CCDC178: variants seen among roughly 807,000 people sequenced by gnomAD.
CCDC178 encodes the protein coiled-coil domain-containing protein 178.
A neutral mutation model predicts 117.4 loss-of-function variants in CCDC178; 126 were observed. The ratio of observed to expected loss-of-function variants is 1.07; its 90% confidence interval spans 0.93 to 1.24. The LOEUF (loss-of-function observed/expected upper bound fraction) is 1.24. CCDC178 is among the 50% of genes most tolerant of loss of function. The pLI, the probability that CCDC178 is intolerant of heterozygous loss-of-function variation, is 0.00. For synonymous variants in CCDC178, 283 were observed against 313.4 expected, an observed-to-expected ratio of 0.90 and a Z score of 1.02; for missense variants, 1,030 against 986.9, an observed-to-expected ratio of 1.04 and a Z score of -0.59.
rs549237925 is a variant in CCDC178, at chr18:33,379,475, T to A, written c.209-9286A>T. 1.7e-4 allele frequency among the ~76,000 whole-genome samples: 26 copies of A among 152,166 alleles called. No individual in the cohort carries two copies. In the South Asian group the frequency reaches 5.4e-3, roughly 32 times the overall value. On this transcript the variant is annotated intron_variant, in intron 5 of 22. Transcript: ENST00000383096. The stretch of plus-strand genomic sequence containing the variant: ...TTTTTGCTTTATGCAATAGGATGAT[T>A]CCTGGAGTATACAGTCTGAGTTCCC...
At chr18:33,158,510 A>C (rs1248316558) in intron 20 of CCDC178, among the ~76,000 whole-genome samples, 1 of 152,112 alleles carries the variant, frequency 6.6e-6, no homozygotes, top group African/African-American at 2.4e-5. Context: ...TTTTATAAAC[A>C]ATATGCATTA....
intron 20 of CCDC178, among the ~76,000 whole-genome samples, chr18:33,190,857 C>T (rs2058849465): frequency 6.6e-6 from 1 of 152,000 alleles, no homozygotes; most frequent in Non-Finnish European, 1.5e-5. Context: ...TTAACTTATT[C>T]TTCGTTATTT....
At chr18:33,431,716 T>C (rs1000537746) in intron 2 of CCDC178, among the ~76,000 whole-genome samples, 3 of 152,222 alleles carry the variant, frequency 2.0e-5, no homozygotes, top group Non-Finnish European at 2.9e-5. Flanking sequence ...AATAGCACCA[T>C]GTTTGTTAAA....
At chr18:33,227,227 G>A (rs2059313343) in intron 15 of CCDC178, among the ~76,000 whole-genome samples, 1 of 150,556 alleles carries the variant, frequency 6.6e-6, no homozygotes, top group African/African-American at 2.4e-5. Context: ...CAAGATAGAT[G>A]CAAGTCAAGT....
At chr18:32,986,825 T>C (rs2055273687) in intron 21 of CCDC178, among the ~76,000 whole-genome samples, 1 of 152,072 alleles carries the variant, frequency 6.6e-6, no homozygotes, top group Non-Finnish European at 1.5e-5. Flanking sequence ...AACAATATTA[T>C]GTATGTCTGA....
chr18:33,253,215 T>C (rs1257485115), intron 14 of CCDC178, among the ~76,000 whole-genome samples: 1 of 151,896 alleles, frequency 6.6e-6, no homozygotes, highest in Non-Finnish European at 1.5e-5. Context: ...TTTGTATGTA[T>C]AGGATAACTG....
chr18:32,995,651 C>T (rs2055487460), intron 21 of CCDC178, among the ~76,000 whole-genome samples: 2 of 151,994 alleles, frequency 1.3e-5, no homozygotes, highest in Admixed American at 1.3e-4. Context: ...ATATAAACTG[C>T]TATTTCACTT....
chr18:32,953,227 C>T (rs1453542003), intron 22 of CCDC178, among the ~76,000 whole-genome samples: 3 of 152,218 alleles, frequency 2.0e-5, no homozygotes, highest in African/African-American at 7.2e-5. Context: ...TAACGCATAA[C>T]AAGAGCGACC....
At chr18:33,065,823 T>C (rs1347802610) in intron 21 of CCDC178, among the ~76,000 whole-genome samples, 1 of 151,388 alleles carries the variant, frequency 6.6e-6, no homozygotes, top group Non-Finnish European at 1.5e-5. Context: ...AGCAACAATC[T>C]GGCAGCCAAG....
chr18:33,130,882 A>G (rs1434504038), intron 20 of CCDC178, among the ~76,000 whole-genome samples: 1 of 151,972 alleles, frequency 6.6e-6, no homozygotes, highest in Admixed American at 6.6e-5. Context: ...GAATTACACA[A>G]TTTATTACAA....
intron 2 of CCDC178, among the ~76,000 whole-genome samples, chr18:33,418,590 A>C (rs576110482): frequency 1.3e-5 from 2 of 150,774 alleles, no homozygotes; most frequent in South Asian, 4.2e-4. Context: ...AAAAAAAAAA[A>C]CCGATAGTCT....
chr18:33,110,939 A>G (rs2057772253), intron 20 of CCDC178, among the ~76,000 whole-genome samples: 1 of 151,590 alleles, frequency 6.6e-6, no homozygotes, highest in South Asian at 2.1e-4. Flanking sequence ...TTCTGCTTGA[A>G]TTTTAAGTAG....
At chr18:33,008,351 G>A (rs1390537805) in intron 21 of CCDC178, among the ~76,000 whole-genome samples, 1 of 152,018 alleles carries the variant, frequency 6.6e-6, no homozygotes, top group Non-Finnish European at 1.5e-5. Flanking sequence ...AATGATCTTT[G>A]TCTGTGTCAG....
Position 33,150,776 on chromosome 18 carries a change from G to C in CCDC178, c.2239-57866C>G, listed in dbSNP as rs138079557. Among the ~76,000 whole-genome samples, 584 of 152,206 alleles carry C rather than the reference G, an allele frequency of 3.8e-3. 2 individuals carry two copies. The highest frequency in any genetic ancestry group is 0.013 in the African/African-American group (558 of 41,538). On this transcript the variant is annotated intron_variant, in intron 20 of 22. Transcript: ENST00000383096. ...ATTCAGCATTCAATCCAGCACTACTGGGTATCTACCCAAAGAAAAAGAAGA... is the reference window on the plus strand; with the variant it reads ...ATTCAGCATTCAATCCAGCACTACTCGGTATCTACCCAAAGAAAAAGAAGA...
At chr18:33,157,708 C>T (rs1204694003) in intron 20 of CCDC178, among the ~76,000 whole-genome samples, 1 of 152,054 alleles carries the variant, frequency 6.6e-6, no homozygotes, top group Admixed American at 6.5e-5. Context: ...CAGTAGCATC[C>T]TATATTGATT....
chr18:32,959,604 T>G (rs949850678), intron 22 of CCDC178, among the ~76,000 whole-genome samples: 1 of 152,134 alleles, frequency 6.6e-6, no homozygotes, highest in Non-Finnish European at 1.5e-5. Context: ...TATCCTAATT[T>G]TTTTTCTCTT....
At chr18:32,938,989 G>A (rs1354972822) in intron 22 of CCDC178, among the ~76,000 whole-genome samples, 1 of 151,834 alleles carries the variant, frequency 6.6e-6, no homozygotes, top group Admixed American at 6.6e-5. Context: ...CGGTTTTTTG[G>A]GTAATTATCA....
intron 11 of CCDC178, among the ~76,000 whole-genome samples, chr18:33,304,046 A>G (rs2062216363): frequency 6.6e-6 from 1 of 152,176 alleles, no homozygotes; most frequent in African/African-American, 2.4e-5. Context: ...AGCTAGGAAT[A>G]GTGCATTGTA....
At chr18:33,237,090 C>T (rs2059433747) in intron 15 of CCDC178, among the ~76,000 whole-genome samples, 1 of 152,182 alleles carries the variant, frequency 6.6e-6, no homozygotes, top group Non-Finnish European at 1.5e-5. Flanking sequence ...CAGCACAGCA[C>T]TGTCTTGATA....
Sources: allele counts gnomAD v4.1 joint callset (sites outside exome capture counted in the v4.1 genomes callset), GRCh38; gene constraint gnomAD v4.1.1; transcripts MANE v1.5; gene names NCBI Gene and HGNC (gene_info 2026-07-23, HGNC 2026-07-21).